The following NDUFB6 variants were observed in gnomAD, a reference collection of about 807,000 sequenced individuals.
NDUFB6 encodes the protein NADH dehydrogenase [ubiquinone] 1 beta subcomplex subunit 6.
In NDUFB6, 23 loss-of-function variants were observed where a neutral mutation model predicts 17.5. The ratio of observed to expected loss-of-function variants is 1.31; its 90% CI spans 0.94 to 1.86. NDUFB6 has a LOEUF of 1.86. Ranked by LOEUF, NDUFB6 falls within the 40% of genes most tolerant of loss-of-function variation. NDUFB6 has a pLI of 0.00. For synonymous variants in NDUFB6, 60 were observed against 53.5 expected (o/e 1.12, Z -0.53); for missense variants, 167 against 153.8 (o/e 1.09, Z -0.46).
chr9:32,557,605 CAGT>C (rs1821503049), intron 3 of NDUFB6, among the ~76,000 whole-genome samples: 1 of 151,700 alleles, frequency 6.6e-6, no homozygotes, highest in Admixed American at 6.6e-5. Context: ...TCAGCATCCT[CAGT>C]AGCTGGGATT....
intron 3 of NDUFB6, 21 bp downstream of exon 3, chr9:32,558,889 A>G (rs764356815): frequency 6.8e-7 from 1 of 1,480,208 alleles, no homozygotes; most frequent in Non-Finnish European, 9.3e-7. Flanking sequence ...CAAAAGAAAA[A>G]TCAGAAGTGT....
At chr9:32,566,551 C>T (rs1395855421) in intron 2 of NDUFB6, 29 of 774,722 alleles carry the variant, frequency 3.7e-5, no homozygotes, top group Non-Finnish European at 6.2e-5. Flanking sequence ...GTATAGCTGC[C>T]GTCGTACTGC....
chr9:32,569,681 T>G (rs1481570591), intron 2 of NDUFB6, among the ~76,000 whole-genome samples: 1 of 47,272 alleles, frequency 2.1e-5, no homozygotes, highest in East Asian at 2.6e-4. Flanking sequence ...ATCCAGCTAT[T>G]TTTTTTTCTT....
At chr9:32,554,914 A>T (rs960799903) in intron 3 of NDUFB6, among the ~76,000 whole-genome samples, 1 of 152,198 alleles carries the variant, frequency 6.6e-6, no homozygotes, top group Admixed American at 6.5e-5. Flanking sequence ...GAGGTTCTAG[A>T]AGAAGTAGCT....
chr9:32,555,855 A>T (rs1381911380), intron 3 of NDUFB6, among the ~76,000 whole-genome samples: 2 of 152,258 alleles, frequency 1.3e-5, no homozygotes, highest in African/African-American at 2.4e-5. Context: ...TCAAGAAAAC[A>T]AAATCAGTGC....
chr9:32,567,648 A>G (rs1821837925), intron 2 of NDUFB6: 1 of 360,900 alleles, frequency 2.8e-6, no homozygotes, highest in Admixed American at 4.0e-5. Context: ...CTATTGTTAT[A>G]TTAATATTTG....
intron 2 of NDUFB6, among the ~76,000 whole-genome samples, chr9:32,569,106 T>C (rs1365008213): frequency 6.6e-6 from 1 of 152,136 alleles, no homozygotes; most frequent in Non-Finnish European, 1.5e-5. Flanking sequence ...ACCATCACCC[T>C]GATCAGTCAG....
intron 3 of NDUFB6, among the ~76,000 whole-genome samples, chr9:32,557,989 T>A (rs974548174): frequency 1.3e-5 from 2 of 152,246 alleles, no homozygotes; most frequent in Admixed American, 1.3e-4. Context: ...GAACATAGTA[T>A]GTATTCTACT....
chr9:32,569,876 A>C (rs1821901803), intron 2 of NDUFB6, among the ~76,000 whole-genome samples: 1 of 152,198 alleles, frequency 6.6e-6, no homozygotes, highest in South Asian at 2.1e-4. Flanking sequence ...GCTATTACAC[A>C]CTTATACCAC....
chr9:32,572,772 A>C, intron 1 of NDUFB6, 109 bp downstream of exon 1: 1 of 1,032,976 alleles, frequency 9.7e-7, no homozygotes, highest in South Asian at 1.7e-5. Flanking sequence ...GTCCCAGAGC[A>C]CTGAGCGTTA....
Position 32,553,145 on chromosome 9 carries a change from T to C in NDUFB6, c.*731A>G, listed in dbSNP as rs1821348264. The C allele has an allele frequency of 2.3e-6, 1 of 434,942 alleles. No homozygotes were observed. The highest frequency in any genetic ancestry group is 4.1e-6 in the Non-Finnish European group (1 of 245,608). 26.9% of individuals were successfully genotyped at this position (434,942 alleles called of 1,614,324 possible). A position where few individuals can be genotyped will look rare whatever the true frequency, so the allele number is the denominator to read the frequency against. ...GACAGTCTTGAGTGTCAGATCATAG[T>C]TGGAATAAGCTTTTCAATCAAGTTT... is the stretch of plus-strand genomic sequence containing the variant. On this transcript the variant is annotated 3_prime_UTR_variant, in exon 4 of 4. Transcript: ENST00000379847.
chr9:32,570,903 A>C (rs1821921199), intron 2 of NDUFB6, 57 bp downstream of exon 2: 4 of 1,244,472 alleles, frequency 3.2e-6, no homozygotes, highest in African/African-American at 1.5e-5. Flanking sequence ...TAAGATAGCC[A>C]CAAAGAAAGT....
intron 2 of NDUFB6, chr9:32,566,149 C>A: frequency 1.5e-6 from 1 of 683,222 alleles, no homozygotes; most frequent in South Asian, 1.6e-5. Context: ...GTGTATATGT[C>A]ACTGGCGCTT....
chr9:32,564,927 T>G (rs1486007050), intron 2 of NDUFB6, among the ~76,000 whole-genome samples: 1 of 152,320 alleles, frequency 6.6e-6, no homozygotes, highest in South Asian at 2.1e-4. Context: ...AACGGCAGTT[T>G]CATGTGGTTC....
At position 32,566,796 on chromosome 9, in the gene NDUFB6, A is replaced by T. The variant is rs1056192880; in HGVS notation, c.273+4164T>A. 117 of 904,430 alleles carry T rather than the reference A, an allele frequency of 1.3e-4. 2 individuals carry two copies. The Admixed American group carries it at 2.0e-3, about 16-fold the overall frequency. 56.0% of individuals were successfully genotyped at this position (904,430 alleles called of 1,614,324 possible). On this transcript the variant is annotated intron_variant, in intron 2 of 3. Transcript: ENST00000379847. ...GACGTTCTGGCTGACGTTGTACAGG[A>T]GGTCGGCCAGCAGTCTCTGCCTCTG... is the stretch of plus-strand genomic sequence containing the variant.
chr9:32,566,821 G>C (rs899372416), intron 2 of NDUFB6: 11 of 881,362 alleles, frequency 1.2e-5, no homozygotes, highest in Non-Finnish European at 2.0e-5. Context: ...CTCTGCCTCT[G>C]TGGGGGCCTG....
rs1186216398 is a variant in NDUFB6 at position 32,572,935 on chromosome 9, A to T, written c.126T>A (p.Pro42=). The T allele has an allele frequency of 6.2e-7, 1 of 1,608,214 alleles. No individual in the cohort carries two copies. Among genetic ancestry groups the T allele is most frequent in the African/African-American group, 1.3e-5 (1 of 74,676 alleles). ...AAAATTTATTCCAGAATTTCTCCAT[A>T]GGCCCCATCTTCTGTGGGGGCAGCA... ...EPVLPPQKMG[P]MEKFWNKFLE... Residue 42 remains proline, a synonymous_variant, in exon 1 of 4, where the codon CCT becomes CCA. Coordinates refer to ENST00000379847, the MANE Select transcript of NDUFB6 (RefSeq NM_002493.5).
chr9:32,555,402 AAGGT>A (rs779119801), intron 3 of NDUFB6, among the ~76,000 whole-genome samples: 6 of 152,226 alleles, frequency 3.9e-5, no homozygotes, highest in Non-Finnish European at 7.3e-5. Context: ...GTTTAAAATG[AAGGT>A]AGCCTTTGAA....
At position 32,553,576 on chromosome 9, in the gene NDUFB6, CA is replaced by C; in HGVS notation, c.*299del. 3.4e-6 allele frequency: 1 copy of C among 292,548 alleles called. No individual in the cohort carries two copies. The allele number at this position is 292,548 out of a possible 1,614,324, so 18.1% of individuals were successfully genotyped here. On this transcript the variant is annotated 3_prime_UTR_variant, in exon 4 of 4. Coordinates refer to ENST00000379847, the MANE Select transcript of NDUFB6 (RefSeq NM_002493.5). ...ATTTCACTGTTGCATACCCTGATAC[CA>C]AATTAGTGTAAGTACTGTGTAAGAA...
Sources: allele counts gnomAD v4.1 joint callset (sites outside exome capture counted in the v4.1 genomes callset), GRCh38; gene constraint gnomAD v4.1.1; transcripts MANE v1.5; gene names NCBI Gene and HGNC (gene_info 2026-07-23, HGNC 2026-07-21).